SLMAP: variants seen among roughly 807,000 people sequenced by gnomAD.
SLMAP encodes the protein sarcolemmal membrane-associated protein.
In SLMAP, 44 loss-of-function variants were observed where a neutral mutation model predicts 128.8. The observed-to-expected ratio is 0.34, with a 90% CI of 0.27 to 0.44. SLMAP has a LOEUF of 0.44. Among genes scored for constraint, SLMAP ranks in the 20% least tolerant of loss-of-function variants. The pLI, the probability that SLMAP is intolerant of heterozygous loss-of-function variation, is 1.00. For synonymous variants in SLMAP, 327 were observed against 348.8 expected, an observed-to-expected ratio of 0.94 and a Z score of 0.70; for missense variants, 787 against 985.3, an observed-to-expected ratio of 0.80 and a Z score of 2.69.
In SLMAP at chr3:57,912,711, T is replaced by G; in HGVS notation, c.2020+10T>G. ...GCAACAAGGTTGCAAGGTGAATAAA[T>G]GTATTTTACATAAAGCTGTTAACTT... On this transcript the variant is annotated intron_variant, in intron 20 of 24. Transcript: ENST00000671191. 1.9e-6 allele frequency: 3 copies of G among 1,592,966 alleles called. No homozygotes were observed. Among genetic ancestry groups the G allele is most frequent in the Non-Finnish European group, 2.6e-6 (3 of 1,164,096 alleles).
At chr3:57,810,439 G>A (rs919957015) in intron 2 of SLMAP, among the ~76,000 whole-genome samples, 1 of 152,140 alleles carries the variant, frequency 6.6e-6, no homozygotes, top group Non-Finnish European at 1.5e-5. Context: ...GAGGTTTCTG[G>A]CCAGAAAAGC....
intron 23 of SLMAP, among the ~76,000 whole-genome samples, chr3:57,924,820 G>A (rs1322621867): frequency 6.6e-6 from 1 of 152,024 alleles, no homozygotes; most frequent in Non-Finnish European, 1.5e-5. Flanking sequence ...ATTTGTTAGA[G>A]GGATAAAATA....
intron 2 of SLMAP, among the ~76,000 whole-genome samples, chr3:57,777,964 G>C (rs2082257363): frequency 1.3e-5 from 2 of 152,170 alleles, no homozygotes; most frequent in African/African-American, 4.8e-5. Flanking sequence ...TTGCATTCCT[G>C]AGATAAACTA....
intron 2 of SLMAP, among the ~76,000 whole-genome samples, chr3:57,786,079 T>C (rs934609344): frequency 6.6e-6 from 1 of 152,204 alleles, no homozygotes; most frequent in Non-Finnish European, 1.5e-5. Flanking sequence ...TATAATATTT[T>C]AGTAGCAGTG....
At chr3:57,885,565 A>T (rs1489339441) in intron 14 of SLMAP, among the ~76,000 whole-genome samples, 3 of 144,804 alleles carry the variant, frequency 2.1e-5, no homozygotes, top group Non-Finnish European at 4.5e-5. Flanking sequence ...GATTACAGGC[A>T]CCCACCACCA....
At chr3:57,909,204 G>T (rs1386159909) in intron 19 of SLMAP, 54 bp downstream of exon 19, 2 of 1,344,674 alleles carry the variant, frequency 1.5e-6, no homozygotes, top group African/African-American at 1.5e-5. Flanking sequence ...TGTTTTTAGT[G>T]ATTCAAAAGG....
chr3:57,784,758 G>C (rs543351460), intron 2 of SLMAP, among the ~76,000 whole-genome samples: 1 of 152,296 alleles, frequency 6.6e-6, no homozygotes, highest in South Asian at 2.1e-4. Context: ...TGGTTCATGT[G>C]TTGGAAACTT....
At chr3:57,882,405 A>T (rs1341691425) in intron 14 of SLMAP, among the ~76,000 whole-genome samples, 2 of 152,240 alleles carry the variant, frequency 1.3e-5, no homozygotes, top group Non-Finnish European at 2.9e-5. Context: ...GGCTGAACAG[A>T]TATGGGACTA....
At chr3:57,781,729 ATTTTTTTTT>A (rs748021832) in intron 2 of SLMAP, among the ~76,000 whole-genome samples, 1 of 109,160 alleles carries the variant, frequency 9.2e-6, no homozygotes, top group African/African-American at 3.6e-5. Flanking sequence ...ATATTGACTG[ATTTTTTTTT>A]TTTTTTTTTT....
chr3:57,757,863 A>AT lies in SLMAP; in HGVS notation c.198+16dup. ...AAGACGGGCAAGGTAATGTCACCAC[A>AT]TTGTCCAGCGGCATTGTTTAACAAA... On this transcript the variant is annotated intron_variant, in intron 2 of 24. Transcript: ENST00000671191. 6.2e-7 allele frequency: 1 copy of AT among 1,612,732 alleles called. No individual in the cohort carries two copies. The highest frequency in any genetic ancestry group is 1.1e-5 in the South Asian group (1 of 91,006).
chr3:57,908,811 C>T (rs1260158280), intron 18 of SLMAP, among the ~76,000 whole-genome samples: 2 of 152,130 alleles, frequency 1.3e-5, no homozygotes, highest in Non-Finnish European at 2.9e-5. Context: ...GACTGTTTCT[C>T]ATGTTAAGAA....
chr3:57,894,641 C>T (rs922385265), intron 15 of SLMAP, among the ~76,000 whole-genome samples: 1 of 152,074 alleles, frequency 6.6e-6, no homozygotes, highest in Non-Finnish European at 1.5e-5. Flanking sequence ...AAACAAAAGA[C>T]ACAAAGATAC....
intron 8 of SLMAP, among the ~76,000 whole-genome samples, chr3:57,860,013 A>G (rs1369913983): frequency 6.6e-6 from 1 of 152,172 alleles, no homozygotes; most frequent in Non-Finnish European, 1.5e-5. Context: ...CTCCACTTAG[A>G]TTTAAACATA....
At chr3:57,906,333 A>G (rs1429541855) in intron 17 of SLMAP, among the ~76,000 whole-genome samples, 1 of 26,324 alleles carries the variant, frequency 3.8e-5, no homozygotes, top group South Asian at 1.2e-3. Flanking sequence ...TTTTTTTTTT[A>G]GAGACACAGT....
rs181272981 is a variant in SLMAP, at chr3:57,775,444, A to G, written c.198+17595A>G. On this transcript the variant is annotated intron_variant, in intron 2 of 24. Coordinates refer to ENST00000671191, the MANE Select transcript of SLMAP (RefSeq NM_001377540.1). ...TTCCAACACTTTGGAAGGCTGAGGCAGGAGGATTACTTGAGCCCAGGAATT... is the reference window on the plus strand; with the variant it reads ...TTCCAACACTTTGGAAGGCTGAGGCGGGAGGATTACTTGAGCCCAGGAATT... Among the ~76,000 whole-genome samples, 112 of 144,966 alleles carry G rather than the reference A, an allele frequency of 7.7e-4. 1 individual carries two copies. The highest frequency in any genetic ancestry group is 2.4e-3 in the African/African-American group (92 of 38,986).
At chr3:57,858,472 T>C (rs535400665) in intron 8 of SLMAP, among the ~76,000 whole-genome samples, 5 of 152,344 alleles carry the variant, frequency 3.3e-5, no homozygotes, top group Admixed American at 6.5e-5. Context: ...CTCCATAAAG[T>C]AGTAGTTCCA....
intron 22 of SLMAP, among the ~76,000 whole-genome samples, chr3:57,919,420 A>G (rs2096873563): frequency 6.6e-6 from 1 of 151,984 alleles, no homozygotes; most frequent in African/African-American, 2.4e-5. Context: ...TCAGTATTAA[A>G]AGAAAATAAT....
In SLMAP at chr3:57,864,832, A is replaced by G; in HGVS notation, c.1161A>G (p.Lys387=). The stretch of plus-strand genomic sequence containing the variant: ...TACGGTTAGAACATCTTCAGGAGAA[A>G]ACTCTTAAAGAATGCAGCAGCTTGG... ...LQVRLEHLQE[K]TLKECSSLGI... The change falls in exon 12 of 25, where the codon AAA becomes AAG. Residue 387 remains lysine, a synonymous_variant. Transcript: ENST00000671191. 6.3e-7 allele frequency: 1 copy of G among 1,590,570 alleles called. No individual in the cohort carries two copies.
At chr3:57,870,761 C>G (rs2095462736) in intron 13 of SLMAP, among the ~76,000 whole-genome samples, 1 of 152,120 alleles carries the variant, frequency 6.6e-6, no homozygotes. Context: ...TTGACAGATT[C>G]TAATGCTTTC....
Sources: gnomAD v4.1 joint callset for allele counts (sites outside exome capture counted in the v4.1 genomes callset) on GRCh38, gnomAD v4.1.1 for gene constraint, MANE v1.5 for transcripts, NCBI Gene and HGNC (gene_info 2026-07-23, HGNC 2026-07-21) for gene names.